The following ZNF268 variants were observed in gnomAD, a reference collection of about 807,000 sequenced individuals.
ZNF268 encodes the protein zinc finger protein 268, also known as zinc finger protein 3.
A neutral mutation model predicts 29.3 loss-of-function variants in ZNF268; 20 were observed. The ratio of observed to expected loss-of-function variants is 0.68; its 90% CI spans 0.48 to 0.99. The LOEUF is 0.99. ZNF268 is among the 50% of genes least tolerant of loss of function. ZNF268 has a pLI of 0.00. For synonymous variants in ZNF268, 429 were observed against 376.9 expected, an observed-to-expected ratio of 1.14 and a Z score of -1.60; for missense variants, 1,240 against 1,121.6, an observed-to-expected ratio of 1.11 and a Z score of -1.51.
rs1485459969 is a variant in ZNF268, at chr12:133,213,386, C to G, written c.*8856C>G. 1.3e-5 allele frequency: 2 copies of G among 152,122 alleles called. No individual in the cohort carries two copies. The highest frequency in any genetic ancestry group is 1.3e-4 in the Admixed American group (2 of 15,272). 9.4% of individuals were successfully genotyped at this position (152,122 alleles called of 1,614,324 possible). A position where few individuals can be genotyped will look rare whatever the true frequency, so the allele number is the denominator to read the frequency against. On this transcript the variant is annotated 3_prime_UTR_variant, in exon 6 of 6. Transcript: ENST00000536435. The stretch of plus-strand genomic sequence containing the variant: ...AACTTTCGGCATCAGTGGACACTAT[C>G]AAGAAAGTGAAAAGGAGCTGGGTGT...
intron 5 of ZNF268, 38 bp downstream of exon 5, chr12:133,192,041 A>G (rs767656331): frequency 3.3e-6 from 5 of 1,519,230 alleles, no homozygotes; most frequent in Non-Finnish European, 4.5e-6. Flanking sequence ...CTTTATTTAG[A>G]ATTAGCATGA....
chr12:133,203,351 C>G lies in ZNF268; in HGVS notation c.1665C>G (p.Pro555=), dbSNP rs1296257178. Residue 555 remains proline, a synonymous_variant, in exon 6 of 6, where the codon CCC becomes CCG. Transcript: ENST00000536435. Reference sequence around the variant, plus strand: ...AGAGGATTCATACAGGAGAGAACCCCTATGAATGCCATGAATGTGGGAAAG... The same window carrying G: ...AGAGGATTCATACAGGAGAGAACCCGTATGAATGCCATGAATGTGGGAAAG... ...IHQRIHTGEN[P]YECHECGKAF... 1 of 1,547,748 alleles carries G rather than the reference C, an allele frequency of 6.5e-7. No individual in the cohort carries two copies. The highest frequency in any genetic ancestry group is 1.4e-5 in the African/African-American group (1 of 73,026).
chr12:133,210,801 G>C lies in ZNF268; in HGVS notation c.*6271G>C, dbSNP rs754919299. On this transcript the variant is annotated 3_prime_UTR_variant, in exon 6 of 6. Coordinates refer to ENST00000536435, the MANE Select transcript of ZNF268 (RefSeq NM_003415.3). ...CAGGTCCTGAGTAGAAGGAAGGCCT[G>C]GTCCTCTGTGGATTCAACCCAGAGG... The C allele has an allele frequency of 1.3e-5, 6 of 455,830 alleles. No homozygotes were observed. The highest frequency in any genetic ancestry group is 9.3e-5 in the South Asian group (6 of 64,546). 28.2% of individuals were successfully genotyped at this position (455,830 alleles called of 1,614,324 possible). A position where few individuals can be genotyped will look rare whatever the true frequency, so the allele number is the denominator to read the frequency against.
intron 1 of ZNF268, 24 bp from the exon 2 acceptor site, chr12:133,181,922 T>C (rs1179891035): frequency 1.3e-6 from 2 of 1,513,188 alleles, no homozygotes; most frequent in Non-Finnish European, 1.8e-6. Flanking sequence ...GTGACCTCTT[T>C]CTTCACTGTG....
At position 133,211,124 on chromosome 12, in the gene ZNF268, T is replaced by A. The variant is rs1037128417; in HGVS notation, c.*6594T>A. 3.1e-5 allele frequency: 13 copies of A among 418,204 alleles called. No individual in the cohort carries two copies. Among genetic ancestry groups the A allele is most frequent in the Non-Finnish European group, 5.4e-5 (11 of 204,588 alleles). The allele number at this position is 418,204 out of a possible 1,614,324, so 25.9% of individuals were successfully genotyped here. A position where few individuals can be genotyped will look rare whatever the true frequency, so the allele number is the denominator to read the frequency against. On this transcript the variant is annotated 3_prime_UTR_variant, in exon 6 of 6. Transcript: ENST00000536435. ...AAAAGTCAAGTGATTTCCTATATAT[T>A]TGAAATAATGTATAGCAATAATTGG...
Position 133,210,622 on chromosome 12 carries a change from G to C in ZNF268, c.*6092G>C, listed in dbSNP as rs566048510. The C allele has an allele frequency of 2.7e-4, 93 of 342,006 alleles. No homozygotes were observed. Among genetic ancestry groups the C allele is most frequent in the Non-Finnish European group, 5.0e-4 (85 of 171,264 alleles). 21.2% of individuals were successfully genotyped at this position (342,006 alleles called of 1,614,324 possible). A position where few individuals can be genotyped will look rare whatever the true frequency, so the allele number is the denominator to read the frequency against. ...TTGGTCCTGAGATGAGGTAAATTCT[G>C]GTCATCACTGTGAAGTGCCCTCGGG... On this transcript the variant is annotated 3_prime_UTR_variant, in exon 6 of 6. Coordinates refer to ENST00000536435, the MANE Select transcript of ZNF268 (RefSeq NM_003415.3).
rs186997200 is a variant in ZNF268 at position 133,203,675 on chromosome 12, T to G, written c.1989T>G (p.Thr663=). Residue 663 remains threonine, a synonymous_variant, in exon 6 of 6, where the codon ACT becomes ACG. Coordinates refer to ENST00000536435, the MANE Select transcript of ZNF268 (RefSeq NM_003415.3). The part of the protein sequence containing the change: ...SQLIVHKGVH[T]GVKPYGCSQC... Reference sequence around the variant, plus strand: ...TCATTGTACATAAAGGAGTGCACACTGGAGTAAAACCCTATGGATGCAGTC... The same window carrying G: ...TCATTGTACATAAAGGAGTGCACACGGGAGTAAAACCCTATGGATGCAGTC... 1.7e-3 allele frequency: 2,696 copies of G among 1,549,828 alleles called. 3 individuals are homozygous for G. The highest frequency in any genetic ancestry group is 1.8e-3 in the Non-Finnish European group (2,075 of 1,153,008).
At chr12:133,187,778 C>A in intron 2 of ZNF268, 94 bp from the exon 3 acceptor site, 1 of 1,233,674 alleles carries the variant, frequency 8.1e-7, no homozygotes. Flanking sequence ...TGTTTTCTAA[C>A]GTGTTTCTCT....
chr12:133,201,269 C>T (rs1956746659), intron 5 of ZNF268, among the ~76,000 whole-genome samples: 1 of 151,932 alleles, frequency 6.6e-6, no homozygotes, highest in African/African-American at 2.4e-5. Flanking sequence ...ATATTGACTG[C>T]TAAGTTTTTC....
chr12:133,183,894 T>TA (rs1170493246), intron 2 of ZNF268, among the ~76,000 whole-genome samples: 1 of 152,140 alleles, frequency 6.6e-6, no homozygotes, highest in Non-Finnish European at 1.5e-5. Flanking sequence ...AATTCACACT[T>TA]AAAGAAATGG....
In ZNF268 at chr12:133,203,999, G is replaced by C; in HGVS notation, c.2313G>C (p.Gln771His). The C allele has an allele frequency of 6.3e-7, 1 of 1,581,562 alleles. No homozygotes were observed. ...GGAAAGACCAGCTCATTTCACATCA[G>C]CGAACTCATGCAGGGGAAAAGCCTT... is the stretch of plus-strand genomic sequence containing the variant. ...FNRKDQLISH[Q>H]RTHAGEKPYG... The change falls in exon 6 of 6, where the codon CAG becomes CAC. Residue 771 changes from glutamine (Q) to histidine (H), a missense_variant. Gln to His is a conservative substitution (Grantham distance 24). Transcript: ENST00000536435.
Position 133,182,309 on chromosome 12 carries a change from T to C in ZNF268, c.33+279T>C, listed in dbSNP as rs138642851. Among the ~76,000 whole-genome samples, 548 of 152,340 alleles carry C rather than the reference T, an allele frequency of 3.6e-3. 2 individuals are homozygous for C. Among genetic ancestry groups the C allele is most frequent in the African/African-American group, 0.012 (512 of 41,574 alleles). On this transcript the variant is annotated intron_variant, in intron 2 of 5. Transcript: ENST00000536435. ...CACACATCTTTCAGTTTTTTCAGCCTTTATTTACTGAGGGCCTTCTGTATC... is the reference window on the plus strand; with the variant it reads ...CACACATCTTTCAGTTTTTTCAGCCCTTATTTACTGAGGGCCTTCTGTATC...
rs1329587797 is a variant in ZNF268 at position 133,187,519 on chromosome 12, T to A, written c.34-353T>A. On this transcript the variant is annotated intron_variant, in intron 2 of 5. Coordinates refer to ENST00000536435, the MANE Select transcript of ZNF268 (RefSeq NM_003415.3). ...TTGGTTCCTTATTCCCTCATAATAA[T>A]GTTGTGTGGGTATTCCTACTGCCCT... is the stretch of plus-strand genomic sequence containing the variant. 2.0e-5 allele frequency among the ~76,000 whole-genome samples: 3 copies of A among 152,212 alleles called. 1 individual carries two copies. In the South Asian group the frequency reaches 6.2e-4, roughly 32 times the overall value.
rs1329175211 is a variant in ZNF268 at position 133,212,506 on chromosome 12, TACACAC to T, written c.*7982_*7987del. On this transcript the variant is annotated 3_prime_UTR_variant, in exon 6 of 6. Transcript: ENST00000536435. ...ATATATATATATATATATGTATATATACACACACACATACACACATATATACACATA... is the reference window on the plus strand; with the variant it reads ...ATATATATATATATATATGTATATATACACATACACACATATATACACATA... 2 of 41,946 alleles carry T rather than the reference TACACAC, an allele frequency of 4.8e-5. No homozygotes were observed. Among genetic ancestry groups the T allele is most frequent in the African/African-American group, 1.4e-4 (2 of 14,358 alleles). 2.6% of individuals were successfully genotyped at this position (41,946 alleles called of 1,614,324 possible). A position where few individuals can be genotyped will look rare whatever the true frequency, so the allele number is the denominator to read the frequency against.
rs1230280253 is a variant in ZNF268 at position 133,213,835 on chromosome 12, A to C, written c.*9305A>C. On this transcript the variant is annotated 3_prime_UTR_variant, in exon 6 of 6. Transcript: ENST00000536435. ...TAATGTGGTGAAACCCTGTCTCTAC[A>C]AAAAAATACAAAAAATTAGCCAGGC... 1.3e-5 allele frequency: 2 copies of C among 152,058 alleles called. No homozygotes were observed. Among genetic ancestry groups the C allele is most frequent in the Non-Finnish European group, 2.9e-5 (2 of 68,008 alleles). 9.4% of individuals were successfully genotyped at this position (152,058 alleles called of 1,614,324 possible). A position where few individuals can be genotyped will look rare whatever the true frequency, so the allele number is the denominator to read the frequency against.
chr12:133,195,706 C>CT (rs796628410), intron 5 of ZNF268, among the ~76,000 whole-genome samples: 2 of 151,734 alleles, frequency 1.3e-5, no homozygotes, highest in African/African-American at 4.8e-5. Flanking sequence ...GATCCTGTCT[C>CT]TTTTTTTGTT....
rs1956871147 is a variant in ZNF268, at chr12:133,205,156, A to AAC, written c.*627_*628insCA. The AAC allele has an allele frequency of 7.4e-6, 1 of 135,380 alleles. No individual in the cohort carries two copies. Among genetic ancestry groups the AAC allele is most frequent in the Non-Finnish European group, 1.6e-5 (1 of 62,416 alleles). The allele number at this position is 135,380 out of a possible 1,614,324, so 8.4% of individuals were successfully genotyped here. On this transcript the variant is annotated 3_prime_UTR_variant, in exon 6 of 6. Transcript: ENST00000536435. ...AGAAGCTTCATTCTAAAAAAAAAAA[A>AAC]AAAAAAAAAAAAAAAAACCAACCTG...
chr12:133,202,186 AAAAT>A lies in ZNF268; in HGVS notation c.504_507del (p.Asn168LysfsTer42). 6.2e-7 allele frequency: 1 copy of A among 1,602,506 alleles called. No individual in the cohort carries two copies. Among genetic ancestry groups the A allele is most frequent in the African/African-American group, 1.3e-5 (1 of 74,448 alleles). On this transcript the variant is annotated frameshift_variant, in exon 6 of 6. Coordinates refer to ENST00000536435, the MANE Select transcript of ZNF268 (RefSeq NM_003415.3). LOFTEE classifies it low-confidence loss of function (END_TRUNC). ...GATGATCTTATGGATTGGCATCAGGAAAATAAAGACAAGCTGGGAAGTACGGCAA... is the reference window on the plus strand; with the variant it reads ...GATGATCTTATGGATTGGCATCAGGAAAAGACAAGCTGGGAAGTACGGCAA...
intron 5 of ZNF268, among the ~76,000 whole-genome samples, chr12:133,197,066 T>C (rs1956623220): frequency 1.3e-5 from 2 of 151,516 alleles, no homozygotes; most frequent in South Asian, 4.2e-4. Context: ...CTTTAAGTTT[T>C]AGAGTACATG....
Sources: gnomAD v4.1 joint callset for allele counts (sites outside exome capture counted in the v4.1 genomes callset) on GRCh38, gnomAD v4.1.1 for gene constraint, MANE v1.5 for transcripts, NCBI Gene and HGNC (gene_info 2026-07-23, HGNC 2026-07-21) for gene names.